CDC123: variants seen among roughly 807,000 people sequenced by gnomAD.
CDC123 encodes the protein translation initiation factor eIF2 assembly protein.
In CDC123, 37 loss-of-function variants were observed where a neutral mutation model predicts 54.4. The observed-to-expected ratio is 0.68, with a 90% CI of 0.52 to 0.89. The LOEUF (loss-of-function observed/expected upper bound fraction) is 0.89, where lower values mean the gene tolerates loss of function less well. CDC123 is among the 40% of genes least tolerant of loss of function. The pLI, the probability that CDC123 is intolerant of heterozygous loss-of-function variation, is 0.00. For missense variants in CDC123, 361 were observed against 412.1 expected (o/e 0.88, Z 1.07); for synonymous variants, 144 against 136.8 (o/e 1.05, Z -0.37).
intron 6 of CDC123, among the ~76,000 whole-genome samples, chr10:12,226,288 C>A (rs539968946): frequency 2.6e-5 from 4 of 152,216 alleles, no homozygotes; most frequent in Non-Finnish European, 4.4e-5. Context: ...ACCTCCCAGA[C>A]GGCGTGGCGG....
rs574884883 is a variant in CDC123 at position 12,223,989 on chromosome 10, C to T, written c.440+6522C>T. Among the ~76,000 whole-genome samples the T allele has an allele frequency of 2.5e-3, 380 of 152,186 alleles. 1 individual carries two copies. The highest frequency in any genetic ancestry group is 3.7e-3 in the Non-Finnish European group (251 of 68,022). ...CCTGAGCAGTGTACACTGTACCCAA[C>T]GTGTAGTCTTTTATCCCTCGCCAAC... On this transcript the variant is annotated intron_variant, in intron 6 of 12. Coordinates refer to ENST00000281141, the MANE Select transcript of CDC123 (RefSeq NM_006023.3).
chr10:12,246,318 G>A, intron 11 of CDC123, 41 bp downstream of exon 11: 1 of 1,606,494 alleles, frequency 6.2e-7, no homozygotes, highest in Non-Finnish European at 8.5e-7. Context: ...AACCTTTCCA[G>A]TCTACTGACT....
chr10:12,219,763 C>T (rs973671233), intron 6 of CDC123, among the ~76,000 whole-genome samples: 1 of 151,488 alleles, frequency 6.6e-6, no homozygotes, highest in Non-Finnish European at 1.5e-5. Context: ...TGGCTCACTG[C>T]AACCTCCGCC....
chr10:12,218,310 G>A (rs1408180925), intron 6 of CDC123, among the ~76,000 whole-genome samples: 1 of 140,240 alleles, frequency 7.1e-6, no homozygotes, highest in Non-Finnish European at 1.5e-5. Context: ...GCAGTGGCAC[G>A]ATCTCAGCTC....
chr10:12,198,936 A>G, intron 2 of CDC123, 160 bp downstream of exon 2: 1 of 544,432 alleles, frequency 1.8e-6, no homozygotes, highest in Non-Finnish European at 3.3e-6. Context: ...ATGTTCACTT[A>G]ATATTTTCAA....
intron 8 of CDC123, among the ~76,000 whole-genome samples, chr10:12,236,493 G>A (rs1052278867): frequency 1.2e-4 from 18 of 152,218 alleles, no homozygotes; most frequent in African/African-American, 4.1e-4. Flanking sequence ...CGGCTACTCG[G>A]GAGACTGAGG....
At position 12,246,603 on chromosome 10, in the gene CDC123, G is replaced by A. The variant is rs143076618; in HGVS notation, c.846+326G>A. On this transcript the variant is annotated intron_variant, in intron 11 of 12. Coordinates refer to ENST00000281141, the MANE Select transcript of CDC123 (RefSeq NM_006023.3). ...GACCCCAGCCCCAGCTGCTGAGGCC[G>A]ACAGAGAAGTTACACACGTGCAGCC... The A allele has an allele frequency of 1.4e-3, 285 of 199,590 alleles. 1 individual carries two copies. Among genetic ancestry groups the A allele is most frequent in the Non-Finnish European group, 2.5e-3 (248 of 98,246 alleles). The allele number at this position is 199,590 out of a possible 1,614,324, so 12.4% of individuals were successfully genotyped here.
At chr10:12,215,684 T>TTA (rs896565982) in intron 4 of CDC123, 56 bp from the exon 5 acceptor site, 140 of 960,536 alleles carry the variant, frequency 1.5e-4, no homozygotes, top group East Asian at 7.3e-4. Flanking sequence ...TGATCTTGTT[T>TTA]TATATATATA....
At chr10:12,249,276 A>T (rs1470279524) in intron 11 of CDC123, among the ~76,000 whole-genome samples, 3 of 152,060 alleles carry the variant, frequency 2.0e-5, no homozygotes. Flanking sequence ...TTCTGTACTA[A>T]AATTTAAAAA....
At chr10:12,217,916 C>T (rs1422075455) in intron 6 of CDC123, among the ~76,000 whole-genome samples, 1 of 151,892 alleles carries the variant, frequency 6.6e-6, no homozygotes, top group Non-Finnish European at 1.5e-5. Flanking sequence ...AGTGAATCCC[C>T]GTCTCTACTA....
Position 12,198,692 on chromosome 10 carries a change from GT to G in CDC123, c.75-3del, listed in dbSNP as rs150891932. 0.12 allele frequency: 156,345 copies of G among 1,261,574 alleles called. 6,778 individuals are homozygous for G. The highest frequency in any genetic ancestry group is 0.14 in the Non-Finnish European group (125,658 of 916,092). The allele number at this position is 1,261,574 out of a possible 1,614,324, so 78.1% of individuals were successfully genotyped here. A position where few individuals can be genotyped will look rare whatever the true frequency, so the allele number is the denominator to read the frequency against. On this transcript the variant is annotated splice_polypyrimidine_tract_variant and intron_variant, in intron 1 of 12. Coordinates refer to ENST00000281141, the MANE Select transcript of CDC123 (RefSeq NM_006023.3). ...CTTTTAAAATGATGCCTTTTTTGGT[GT>G]TTTTTTTTTAGTGTCATTCTTCCAC...
intron 1 of CDC123, among the ~76,000 whole-genome samples, chr10:12,196,901 A>G (rs1439163575): frequency 1.3e-5 from 2 of 152,248 alleles, no homozygotes; most frequent in East Asian, 3.8e-4. Context: ...GGTAGGCGGC[A>G]AGTATTAATA....
chr10:12,225,081 C>CT (rs1258715540), intron 6 of CDC123, among the ~76,000 whole-genome samples: 1 of 152,132 alleles, frequency 6.6e-6, no homozygotes, highest in Admixed American at 6.6e-5. Context: ...TGAACTGCAG[C>CT]TACTCCTCAG....
intron 8 of CDC123, among the ~76,000 whole-genome samples, chr10:12,236,441 A>G (rs1835977279): frequency 6.6e-6 from 1 of 152,100 alleles, no homozygotes; most frequent in South Asian, 2.1e-4. Flanking sequence ...TCTACAAAAA[A>G]TAAAACGATG....
At chr10:12,218,622 C>A (rs1835693046) in intron 6 of CDC123, among the ~76,000 whole-genome samples, 1 of 152,166 alleles carries the variant, frequency 6.6e-6, no homozygotes, top group Non-Finnish European at 1.5e-5. Context: ...TTTCCATTCC[C>A]TTAGTGCTGC....
intron 2 of CDC123, among the ~76,000 whole-genome samples, chr10:12,199,266 T>C (rs75252520): frequency 6.6e-6 from 1 of 152,326 alleles, no homozygotes; most frequent in African/African-American, 2.4e-5. Context: ...GTTTCAGTCT[T>C]TTGGATGCAA....
chr10:12,248,100 G>T lies in CDC123; in HGVS notation c.847-1481G>T, dbSNP rs111279413. Reference sequence around the variant, plus strand: ...CAGTGTTTATATTTTGATACATAACGTGCATTTAAACACATGCATAGACCT... The same window carrying T: ...CAGTGTTTATATTTTGATACATAACTTGCATTTAAACACATGCATAGACCT... On this transcript the variant is annotated intron_variant, in intron 11 of 12. Transcript: ENST00000281141. Among the ~76,000 whole-genome samples the T allele has an allele frequency of 2.6e-5, 4 of 152,160 alleles. No individual in the cohort carries two copies. The South Asian group carries it at 8.3e-4, about 32-fold the overall frequency.
At chr10:12,244,617 AGGTTG>A (rs1205327428) in intron 10 of CDC123, 2 of 145,596 alleles carry the variant, frequency 1.4e-5, no homozygotes, top group Admixed American at 6.9e-5. Flanking sequence ...TTTCTTTCAG[AGGTTG>A]GGGTGGTTTT....
intron 2 of CDC123, 91 bp downstream of exon 2, chr10:12,198,867 A>G (rs1835399924): frequency 2.7e-6 from 2 of 741,792 alleles, no homozygotes; most frequent in South Asian, 3.1e-5. Context: ...CTTTCCCTTT[A>G]GCTCTTTTTC....
Sources: allele counts gnomAD v4.1 joint callset (sites outside exome capture counted in the v4.1 genomes callset), GRCh38; gene constraint gnomAD v4.1.1; transcripts MANE v1.5; gene names NCBI Gene and HGNC (gene_info 2026-07-23, HGNC 2026-07-21).